The following NKAIN3 variants were observed in gnomAD, a reference collection of about 807,000 sequenced individuals.
NKAIN3 encodes the protein sodium/potassium-transporting ATPase subunit beta-1-interacting protein 3.
In NKAIN3, 25 loss-of-function variants were observed where a neutral mutation model predicts 30.2. The observed-to-expected ratio is 0.83, with a 90% CI of 0.60 to 1.16. The LOEUF (loss-of-function observed/expected upper bound fraction) is 1.16, where lower values mean the gene tolerates loss of function less well. NKAIN3 is among the 50% of genes most tolerant of loss of function. NKAIN3 has a pLI of 0.00. For missense variants in NKAIN3, 225 were observed against 254.1 expected, an observed-to-expected ratio of 0.89 and a Z score of 0.78; for synonymous variants, 91 against 89.6, an observed-to-expected ratio of 1.02 and a Z score of -0.09.
chr8:62,981,725 T>C lies in NKAIN3; in HGVS notation c.*16318T>C, dbSNP rs1191729265. 1 of 148,614 alleles carries C rather than the reference T, an allele frequency of 6.7e-6. No individual in the cohort carries two copies. Among genetic ancestry groups the C allele is most frequent in the African/African-American group, 2.5e-5 (1 of 40,162 alleles). 9.2% of individuals were successfully genotyped at this position (148,614 alleles called of 1,614,324 possible). On this transcript the variant is annotated 3_prime_UTR_variant, in exon 7 of 7. Transcript: ENST00000623646. ...AGAACTCTGCTGTGTGGCAACCTTA[T>C]GTATCCACAACAGAACTAAGGACCG...
At chr8:62,788,977 G>A (rs1329424192) in intron 4 of NKAIN3, among the ~76,000 whole-genome samples, 1 of 152,116 alleles carries the variant, frequency 6.6e-6, no homozygotes, top group Non-Finnish European at 1.5e-5. Context: ...GATGCCTCCA[G>A]CTTTGTTCTT....
intron 1 of NKAIN3, among the ~76,000 whole-genome samples, chr8:62,524,984 C>A (rs1808259152): frequency 6.6e-6 from 1 of 151,442 alleles, no homozygotes; most frequent in South Asian, 2.1e-4. Context: ...CACACAAAAC[C>A]ATCTATTGTT....
chr8:62,654,169 C>CAAA (rs34220873), intron 3 of NKAIN3, among the ~76,000 whole-genome samples: 5 of 147,174 alleles, frequency 3.4e-5, no homozygotes, highest in African/African-American at 1.2e-4. Context: ...TAAAATAATG[C>CAAA]AAAAAAAAAC....
intron 4 of NKAIN3, among the ~76,000 whole-genome samples, chr8:62,796,258 C>A (rs1311645768): frequency 6.6e-6 from 1 of 151,628 alleles, no homozygotes; most frequent in East Asian, 1.9e-4. Context: ...GTGGTGCATG[C>A]CTGTAATCCC....
At chr8:62,320,899 G>A (rs1179699494) in intron 1 of NKAIN3, among the ~76,000 whole-genome samples, 1 of 152,170 alleles carries the variant, frequency 6.6e-6, no homozygotes, top group Non-Finnish European at 1.5e-5. Context: ...GATTGGGGAA[G>A]TTCTCCTGGA....
chr8:62,309,653 C>T (rs1429271613), intron 1 of NKAIN3, among the ~76,000 whole-genome samples: 1 of 150,202 alleles, frequency 6.7e-6, no homozygotes, highest in Non-Finnish European at 1.5e-5. Flanking sequence ...ATTTCAGACC[C>T]ATCTAGTGTG....
rs1006341005 is a variant in NKAIN3, at chr8:62,978,956, G to A, written c.*13549G>A. On this transcript the variant is annotated 3_prime_UTR_variant, in exon 7 of 7. Coordinates refer to ENST00000623646, the MANE Select transcript of NKAIN3 (RefSeq NM_001304533.3). ...GGCATGGTCCCTCATGGCTTCCCTTGGCTAGGGGAGGGAGTTCCCCAACCC... is the reference window on the plus strand; with the variant it reads ...GGCATGGTCCCTCATGGCTTCCCTTAGCTAGGGGAGGGAGTTCCCCAACCC... 5 of 152,856 alleles carry A rather than the reference G, an allele frequency of 3.3e-5. No homozygotes were observed. Among genetic ancestry groups the A allele is most frequent in the Middle Eastern group, 2.0e-3 (1 of 492 alleles). 9.5% of individuals were successfully genotyped at this position (152,856 alleles called of 1,614,324 possible). A position where few individuals can be genotyped will look rare whatever the true frequency, so the allele number is the denominator to read the frequency against.
intron 4 of NKAIN3, among the ~76,000 whole-genome samples, chr8:62,861,807 G>A (rs1386325508): frequency 1.3e-5 from 2 of 152,148 alleles, no homozygotes; most frequent in Non-Finnish European, 2.9e-5. Flanking sequence ...GAGAAGCAAG[G>A]ATGCACATCT....
At chr8:62,874,528 G>A (rs1215028345) in intron 4 of NKAIN3, among the ~76,000 whole-genome samples, 2 of 152,182 alleles carry the variant, frequency 1.3e-5, no homozygotes, top group Non-Finnish European at 2.9e-5. Context: ...GAAAACTTCA[G>A]GCAAATATCC....
chr8:62,962,818 C>A (rs1037106042), intron 6 of NKAIN3, among the ~76,000 whole-genome samples: 1 of 152,152 alleles, frequency 6.6e-6, no homozygotes, highest in Non-Finnish European at 1.5e-5. Context: ...ACTTTAATAG[C>A]ATAACTTTTA....
intron 1 of NKAIN3, among the ~76,000 whole-genome samples, chr8:62,311,868 G>A (rs377471674): frequency 6.6e-6 from 1 of 150,496 alleles, no homozygotes. Context: ...ACTCTGCAAA[G>A]TAAAAGGCTA....
intron 4 of NKAIN3, among the ~76,000 whole-genome samples, chr8:62,794,498 C>T (rs182056195): frequency 2.0e-5 from 3 of 152,100 alleles, no homozygotes; most frequent in African/African-American, 7.2e-5. Context: ...CCCACCCCCC[C>T]ACCAAATCTA....
chr8:62,796,768 T>C (rs992529708), intron 4 of NKAIN3, among the ~76,000 whole-genome samples: 2 of 97,512 alleles, frequency 2.1e-5, no homozygotes, highest in African/African-American at 5.7e-5. Flanking sequence ...GCTGAAAGAA[T>C]ACTAGTTTTT....
intron 1 of NKAIN3, among the ~76,000 whole-genome samples, chr8:62,340,167 T>G (rs1200025920): frequency 1.3e-5 from 2 of 152,106 alleles, no homozygotes; most frequent in African/African-American, 2.4e-5. Context: ...TTAGGTTTGA[T>G]GAAGAATAGT....
chr8:62,626,376 C>CCAGA (rs1202666847), intron 3 of NKAIN3, among the ~76,000 whole-genome samples: 1 of 152,062 alleles, frequency 6.6e-6, no homozygotes, highest in African/African-American at 2.4e-5. Flanking sequence ...AGTGAAGAAT[C>CCAGA]CAGAGATCAT....
intron 1 of NKAIN3, among the ~76,000 whole-genome samples, chr8:62,339,303 T>C (rs1449652416): frequency 7.1e-6 from 1 of 140,824 alleles, no homozygotes; most frequent in Non-Finnish European, 1.5e-5. Context: ...GCGTTTAGAG[T>C]TTCTTTCCTT....
chr8:62,880,760 T>G (rs1319022756), intron 4 of NKAIN3, among the ~76,000 whole-genome samples: 1 of 152,210 alleles, frequency 6.6e-6, no homozygotes, highest in East Asian at 1.9e-4. Flanking sequence ...CACATAACTT[T>G]ATCCTACTTG....
At chr8:62,767,401 T>C (rs1313397936) in intron 4 of NKAIN3, among the ~76,000 whole-genome samples, 2 of 152,086 alleles carry the variant, frequency 1.3e-5, no homozygotes, top group African/African-American at 4.8e-5. Context: ...GACCACCTCA[T>C]GGAAAGCACC....
At chr8:62,948,613 T>A (rs904738602) in intron 5 of NKAIN3, among the ~76,000 whole-genome samples, 2 of 152,252 alleles carry the variant, frequency 1.3e-5, no homozygotes, top group Non-Finnish European at 2.9e-5. Flanking sequence ...GTATTAAAAG[T>A]GTTTTACAAC....
Sources: allele counts gnomAD v4.1 joint callset (sites outside exome capture counted in the v4.1 genomes callset), GRCh38; gene constraint gnomAD v4.1.1; transcripts MANE v1.5; gene names NCBI Gene and HGNC (gene_info 2026-07-23, HGNC 2026-07-21).